Variants in TACC1 observed in about 807,000 individuals in gnomAD.
TACC1 encodes transforming acidic coiled-coil containing protein 1.
In TACC1, 48 loss-of-function variants were observed where a neutral mutation model predicts 84.4. That is an observed-to-expected ratio of 0.57 (90% CI 0.45 to 0.72). The LOEUF (loss-of-function observed/expected upper bound fraction) is 0.72, where lower values mean the gene tolerates loss of function less well. Among genes scored for constraint, TACC1 ranks in the 30% least tolerant of loss-of-function variants. The pLI is 0.00. For synonymous variants in TACC1, 372 were observed against 376.3 expected, an observed-to-expected ratio of 0.99 and a Z score of 0.13; for missense variants, 920 against 973.0, an observed-to-expected ratio of 0.95 and a Z score of 0.72.
At chr8:38,822,023 C>A (rs1249867186) in intron 3 of TACC1, among the ~76,000 whole-genome samples, 1 of 151,984 alleles carries the variant, frequency 6.6e-6, no homozygotes, top group Admixed American at 6.6e-5. Flanking sequence ...GAGTTCAAGA[C>A]CAGCCTGGGC....
intron 2 of TACC1, chr8:38,742,466 T>C: frequency 6.6e-7 from 1 of 1,522,788 alleles, no homozygotes; most frequent in Non-Finnish European, 8.8e-7. Flanking sequence ...TTCTTTTCTT[T>C]GACATTGAAT....
chr8:38,739,643 A>G (rs983915353), intron 1 of TACC1, among the ~76,000 whole-genome samples: 1 of 152,220 alleles, frequency 6.6e-6, no homozygotes, highest in Admixed American at 6.5e-5. Flanking sequence ...TTTGATTTGC[A>G]TACGTAAAGG....
At chr8:38,787,209 A>T (rs1289897313), upstream of TACC1, 7 of 991,530 alleles carry the variant, frequency 7.1e-6, no homozygotes, top group African/African-American at 7.0e-5. Context: ...GCGGCAGCTG[A>T]TGCGCGCCCC....
At chr8:38,840,352 C>A in intron 9 of TACC1, 85 bp downstream of exon 9, 2 of 1,241,996 alleles carry the variant, frequency 1.6e-6, no homozygotes, top group Non-Finnish European at 2.3e-6. Context: ...AATATGTAAG[C>A]TAGGTAGCTT....
At chr8:38,767,547 G>T (rs1246058617) in intron 3 of TACC1, among the ~76,000 whole-genome samples, 3 of 152,226 alleles carry the variant, frequency 2.0e-5, no homozygotes, top group Non-Finnish European at 2.9e-5. Context: ...AGAGAGTAGA[G>T]TCTAGAGTGG....
intron 2 of TACC1, among the ~76,000 whole-genome samples, chr8:38,803,305 G>C (rs912946862): frequency 6.6e-6 from 1 of 152,194 alleles, no homozygotes; most frequent in Non-Finnish European, 1.5e-5. Flanking sequence ...GAACAGTGTT[G>C]AGTAGAAGTC....
chr8:38,817,940 A>C (rs562116414), intron 2 of TACC1, among the ~76,000 whole-genome samples: 93 of 150,050 alleles, frequency 6.2e-4, no homozygotes, highest in African/African-American at 1.9e-3. Context: ...AAAAAAAAAA[A>C]AAAAAAACAG....
chr8:38,757,906 G>GA (rs1348145430), intron 3 of TACC1, among the ~76,000 whole-genome samples: 9 of 152,056 alleles, frequency 5.9e-5, no homozygotes, highest in Non-Finnish European at 1.2e-4. Context: ...GATGATCTCA[G>GA]AAAAAAAGGG....
intron 3 of TACC1, among the ~76,000 whole-genome samples, chr8:38,761,027 C>T (rs566290327): frequency 6.6e-6 from 1 of 152,262 alleles, no homozygotes; most frequent in South Asian, 2.1e-4. Context: ...TTCTACAAGG[C>T]CTCTGAGAAA....
intron 2 of TACC1, among the ~76,000 whole-genome samples, chr8:38,793,692 C>T (rs935253289): frequency 6.6e-6 from 1 of 152,074 alleles, no homozygotes; most frequent in Non-Finnish European, 1.5e-5. Context: ...AGTGATCCTC[C>T]CACCTCAGCC....
chr8:38,771,588 G>A (rs1193278585), intron 3 of TACC1, among the ~76,000 whole-genome samples: 1 of 152,184 alleles, frequency 6.6e-6, no homozygotes, highest in Non-Finnish European at 1.5e-5. Context: ...CAACATGACT[G>A]AGAAAGAAAA....
At chr8:38,787,035 A>G (rs1817319116), upstream of TACC1, among the ~76,000 whole-genome samples, 1 of 151,700 alleles carries the variant, frequency 6.6e-6, no homozygotes, top group Non-Finnish European at 1.5e-5. Flanking sequence ...CTCCCCGCGC[A>G]GCCGGCAAGC....
At chr8:38,818,117 C>T (rs1825853383) in intron 2 of TACC1, among the ~76,000 whole-genome samples, 2 of 151,390 alleles carry the variant, frequency 1.3e-5, no homozygotes, top group South Asian at 4.2e-4. Flanking sequence ...TGACTGTGGT[C>T]CCGGTTACTT....
At chr8:38,742,396 G>T (rs1807243785) in exon 2 of TACC1, 1 of 1,511,300 alleles carries the variant, frequency 6.6e-7, no homozygotes, top group Admixed American at 2.0e-5. Flanking sequence ...CTTGATTGCT[G>T]GCATGTTTAC....
At chr8:38,809,801 C>T (rs144090536) in intron 2 of TACC1, among the ~76,000 whole-genome samples, 1 of 152,270 alleles carries the variant, frequency 6.6e-6, no homozygotes, top group African/African-American at 2.4e-5. Flanking sequence ...CTTCTCAGCT[C>T]CTGACAGCTG....
In TACC1 at chr8:38,850,301, C is replaced by T. The variant is rs1323222238; in HGVS notation, c.*2278C>T. 1 of 152,192 alleles carries T rather than the reference C, an allele frequency of 6.6e-6. No homozygotes were observed. The highest frequency in any genetic ancestry group is 6.5e-5 in the Admixed American group (1 of 15,282). The allele number at this position is 152,192 out of a possible 1,614,324, so 9.4% of individuals were successfully genotyped here. A position where few individuals can be genotyped will look rare whatever the true frequency, so the allele number is the denominator to read the frequency against. On this transcript the variant is annotated 3_prime_UTR_variant, in exon 13 of 13. Transcript: ENST00000317827. ...CCCCATTCGAACTTAACAGATGCCTCCTCTCCAAAGAGAATTAAAATCGTA... is the reference window on the plus strand; with the variant it reads ...CCCCATTCGAACTTAACAGATGCCTTCTCTCCAAAGAGAATTAAAATCGTA...
intron 2 of TACC1, among the ~76,000 whole-genome samples, chr8:38,789,729 C>A (rs1818198141): frequency 6.6e-6 from 1 of 152,128 alleles, no homozygotes; most frequent in Non-Finnish European, 1.5e-5. Context: ...GAGGTGGGAA[C>A]CCTTCCAGCA....
chr8:38,769,208 GTGTGGTGTGTGTATGTGTA>G, intron 3 of TACC1, among the ~76,000 whole-genome samples: 1 of 146,730 alleles, frequency 6.8e-6, no homozygotes. Context: ...GTGTGTGATT[GTGTGGTGTGTGTATGTGTA>G]TGAGACTGTG....
intron 3 of TACC1, among the ~76,000 whole-genome samples, chr8:38,747,329 A>G (rs1389399320): frequency 1.3e-5 from 2 of 152,232 alleles, no homozygotes; most frequent in East Asian, 1.9e-4. Context: ...CTTTTACCAT[A>G]TGATTCAACA....
Sources: gnomAD v4.1 joint callset for allele counts (sites outside exome capture counted in the v4.1 genomes callset) on GRCh38, gnomAD v4.1.1 for gene constraint, MANE v1.5 for transcripts, NCBI Gene and HGNC (gene_info 2026-07-23, HGNC 2026-07-21) for gene names.